AOPEP: variants seen among roughly 807,000 people sequenced by gnomAD.
AOPEP encodes aminopeptidase O (putative).
Under a neutral mutation model 98.1 loss-of-function variants are expected in AOPEP, and 77 were observed. The ratio of observed to expected loss-of-function variants is 0.78; its 90% CI spans 0.65 to 0.95. The LOEUF is 0.95. AOPEP is among the 40% of genes least tolerant of loss of function. The pLI, the probability that AOPEP is intolerant of heterozygous loss-of-function variation, is 0.00. For synonymous variants in AOPEP, 346 were observed against 365.3 expected, an observed-to-expected ratio of 0.95 and a Z score of 0.60; for missense variants, 1,024 against 1,024.7, an observed-to-expected ratio of 1.00 and a Z score of 0.01.
At chr9:94,979,482 C>A in intron 11 of AOPEP, 55 bp downstream of exon 11, 1 of 1,058,756 alleles carries the variant, frequency 9.4e-7, no homozygotes, top group Non-Finnish European at 1.5e-6. Flanking sequence ...AAGCTTGCTG[C>A]TTAGCACATC....
At chr9:94,934,027 C>T (rs1462096215) in intron 7 of AOPEP, among the ~76,000 whole-genome samples, 1 of 152,160 alleles carries the variant, frequency 6.6e-6, no homozygotes, top group African/African-American at 2.4e-5. Context: ...GGATTACAGG[C>T]GTGAGCCACT....
rs116950735 is a variant in AOPEP at position 94,815,718 on chromosome 9, G to A, written c.1364+14716G>A. Among the ~76,000 whole-genome samples, 48 of 152,272 alleles carry A rather than the reference G, an allele frequency of 3.2e-4. No individual in the cohort carries two copies. The East Asian group carries it at 8.9e-3, about 28-fold the overall frequency. On this transcript the variant is annotated intron_variant, in intron 5 of 16. Transcript: ENST00000375315. ...AGCAACCATTGCCTGCACGGTTGCTGTTAGGCCTTTTTGGTCCATGGGTGA... is the reference window on the plus strand; with the variant it reads ...AGCAACCATTGCCTGCACGGTTGCTATTAGGCCTTTTTGGTCCATGGGTGA...
At chr9:94,921,307 TGAG>T (rs1415603808) in intron 5 of AOPEP, 2 of 152,246 alleles carry the variant, frequency 1.3e-5, no homozygotes, top group African/African-American at 4.8e-5. Flanking sequence ...AATGCAGGGA[TGAG>T]GAGGAGCCGG....
At chr9:95,000,949 G>A (rs2061522934) in intron 11 of AOPEP, among the ~76,000 whole-genome samples, 1 of 152,110 alleles carries the variant, frequency 6.6e-6, no homozygotes. Context: ...TCTTTTAGTG[G>A]ATAGTTTTCC....
chr9:95,082,511 A>ATGTGTGCGTG, intron 15 of AOPEP, 64 bp from the exon 16 acceptor site: 1 of 1,560,520 alleles, frequency 6.4e-7, no homozygotes. Context: ...GACTGAGCTC[A>ATGTGTGCGTG]TGTGTGCGTG....
intron 5 of AOPEP, among the ~76,000 whole-genome samples, chr9:94,806,514 T>C (rs1247651153): frequency 6.6e-6 from 1 of 152,232 alleles, no homozygotes; most frequent in Non-Finnish European, 1.5e-5. Context: ...GAATGAGTTG[T>C]GAGCTGTGAG....
chr9:94,754,843 T>C (rs1836649316), intron 1 of AOPEP, among the ~76,000 whole-genome samples: 1 of 152,206 alleles, frequency 6.6e-6, no homozygotes, highest in South Asian at 2.1e-4. Flanking sequence ...ATTGTTTTCG[T>C]TGGGGTGATT....
intron 5 of AOPEP, among the ~76,000 whole-genome samples, chr9:94,893,161 A>T (rs991826025): frequency 6.6e-6 from 1 of 152,196 alleles, no homozygotes; most frequent in African/African-American, 2.4e-5. Flanking sequence ...TAGAATGGCA[A>T]CTGAACTCTA....
At chr9:94,778,386 C>T (rs454554) in intron 3 of AOPEP, among the ~76,000 whole-genome samples, 152,160 of 152,188 alleles carry the variant, frequency 1, 76,066 homozygotes, top group Middle Eastern at 1. Context: ...AACAGTCTAA[C>T]TGTAGATGGA....
At chr9:94,993,820 G>A (rs2132418575) in intron 11 of AOPEP, among the ~76,000 whole-genome samples, 1 of 152,258 alleles carries the variant, frequency 6.6e-6, no homozygotes, top group South Asian at 2.1e-4. Flanking sequence ...TTATTGGCAT[G>A]AACATGCATG....
the AOPEP span, among the ~76,000 whole-genome samples, chr9:95,106,095 G>GA: frequency 6.6e-6 from 1 of 152,326 alleles, no homozygotes; most frequent in Admixed American, 6.5e-5. Flanking sequence ...GGAAGCATAT[G>GA]AGTGTTCCGG....
At chr9:94,837,778 T>C (rs971697106) in intron 5 of AOPEP, among the ~76,000 whole-genome samples, 3 of 152,134 alleles carry the variant, frequency 2.0e-5, no homozygotes, top group African/African-American at 7.2e-5. Flanking sequence ...ATAAAAGCCA[T>C]CTATGACAAA....
At chr9:94,760,611 G>T (rs1238526636) in intron 2 of AOPEP, 31 bp downstream of exon 2, 1 of 1,506,136 alleles carries the variant, frequency 6.6e-7, no homozygotes, top group Admixed American at 2.3e-5. Flanking sequence ...AAAGCCCTGT[G>T]CCTGTTAATC....
chr9:94,901,367 G>A (rs901032741), intron 5 of AOPEP, among the ~76,000 whole-genome samples: 1 of 151,950 alleles, frequency 6.6e-6, no homozygotes, highest in African/African-American at 2.4e-5. Context: ...GTATAGTATA[G>A]TACATGTTTT....
At chr9:94,825,284 C>T (rs1416475733) in intron 5 of AOPEP, among the ~76,000 whole-genome samples, 1 of 152,144 alleles carries the variant, frequency 6.6e-6, no homozygotes, top group African/African-American at 2.4e-5. Flanking sequence ...GGTGGAAGAC[C>T]AGCCCCGCAT....
chr9:94,896,651 G>A (rs187307633), intron 5 of AOPEP, among the ~76,000 whole-genome samples: 104 of 152,194 alleles, frequency 6.8e-4, no homozygotes, highest in African/African-American at 2.3e-3. Flanking sequence ...AAAAATCTCA[G>A]ACAAACCTAA....
intron 5 of AOPEP, among the ~76,000 whole-genome samples, chr9:94,814,037 C>G (rs1851197478): frequency 6.6e-6 from 1 of 152,158 alleles, no homozygotes; most frequent in Admixed American, 6.5e-5. Context: ...GTTTCTGAAC[C>G]AAGGGGTGGA....
rs773621849 is a variant in AOPEP at position 94,932,066 on chromosome 9, G to A, written c.1661+3535G>A. 2.2e-5 allele frequency: 25 copies of A among 1,111,142 alleles called. No individual in the cohort carries two copies. The East Asian group carries it at 3.1e-4, about 14-fold the overall frequency. The allele number at this position is 1,111,142 out of a possible 1,614,324, so 68.8% of individuals were successfully genotyped here. A position where few individuals can be genotyped will look rare whatever the true frequency, so the allele number is the denominator to read the frequency against. On this transcript the variant is annotated intron_variant, in intron 7 of 16. Coordinates refer to ENST00000375315, the MANE Select transcript of AOPEP (RefSeq NM_001193329.3). ...AGAACAGGGATTTAAACCCAGGGAC[G>A]GAAACTCTTCTCGGTTCCCTATACC...
chr9:94,731,867 GCTCACCTCATTGGTTCTA>G (rs2131692298), intron 1 of AOPEP, among the ~76,000 whole-genome samples: 1 of 115,820 alleles, frequency 8.6e-6, no homozygotes, highest in South Asian at 3.0e-4. Context: ...CATGATCTTT[GCTCACCTCATTGGTTCTA>G]GCAATTCTCC....
Sources: gnomAD v4.1 joint callset for allele counts (sites outside exome capture counted in the v4.1 genomes callset) on GRCh38, gnomAD v4.1.1 for gene constraint, MANE v1.5 for transcripts, NCBI Gene and HGNC (gene_info 2026-07-23, HGNC 2026-07-21) for gene names.